Variants in GAS6 observed in about 807,000 individuals in gnomAD.
GAS6 encodes the protein growth arrest-specific protein 6.
A neutral mutation model predicts 75.8 loss-of-function variants in GAS6; 41 were observed. That is an observed-to-expected ratio of 0.54 (90% CI 0.42 to 0.70). The LOEUF (loss-of-function observed/expected upper bound fraction) is 0.70, where lower values mean the gene tolerates loss of function less well. Among genes scored for constraint, GAS6 ranks in the 30% least tolerant of loss-of-function variants. GAS6 has a pLI of 0.00. For missense variants in GAS6, 854 were observed against 940.2 expected (o/e 0.91, Z 1.20); for synonymous variants, 432 against 412.6 (o/e 1.05, Z -0.57).
chr13:113,825,387 A>T (rs1471430103), intron 12 of GAS6, among the ~76,000 whole-genome samples: 1 of 152,128 alleles, frequency 6.6e-6, no homozygotes, highest in Non-Finnish European at 1.5e-5. Flanking sequence ...ACAGACCCGG[A>T]GATCTGCAAG....
rs755012604 is a variant in GAS6 at position 113,848,115 on chromosome 13, T to C, written c.256-65A>G. 4.5e-6 allele frequency: 7 copies of C among 1,547,648 alleles called. No homozygotes were observed. Among genetic ancestry groups the C allele is most frequent in the Non-Finnish European group, 6.2e-6 (7 of 1,131,248 alleles). On this transcript the variant is annotated intron_variant, in intron 2 of 14. Coordinates refer to ENST00000327773, the MANE Select transcript of GAS6 (RefSeq NM_000820.4). The surrounding 1 kb of genome is among the most constrained non-coding windows in gnomAD (Gnocchi z 4.8). ...ACACTACGAGGGTCTCTGAACAACATAAGCATCAGCTGGTTAATCAGAGGC... is the reference window on the plus strand; with the variant it reads ...ACACTACGAGGGTCTCTGAACAACACAAGCATCAGCTGGTTAATCAGAGGC...
intron 5 of GAS6, 56 bp from the exon 6 acceptor site, chr13:113,838,247 G>T: frequency 1.3e-6 from 2 of 1,596,940 alleles, no homozygotes; most frequent in East Asian, 2.2e-5. Flanking sequence ...CCCTGGCTAC[G>T]GTAGGAAGAG....
Position 113,863,540 on chromosome 13 carries a change from G to C in GAS6, c.255+35C>G. On this transcript the variant is annotated intron_variant, in intron 2 of 14. Transcript: ENST00000327773. This position sits in a 1 kb window ranked among gnomAD's most constrained non-coding sequence, Gnocchi z 9.4. ...AGCGGTTGGAGGCGCGCGGGCGCCA[G>C]GGGTTCCCCCGCATCCCGCCCGCCG... The C allele has an allele frequency of 1.3e-6, 2 of 1,489,064 alleles. No individual in the cohort carries two copies. The highest frequency in any genetic ancestry group is 1.8e-6 in the Non-Finnish European group (2 of 1,125,392). The allele number at this position is 1,489,064 out of a possible 1,614,324, so 92.2% of individuals were successfully genotyped here.
rs377509718 is a variant in GAS6, at chr13:113,839,479, C to A, written c.466+249G>T. ...CGGTCAGAGGTGAAATTTCCCCCCC[C>A]GCCCTTCAATCAGTGGGTGCTGAGG... On this transcript the variant is annotated intron_variant, in intron 5 of 14. Transcript: ENST00000327773. The A allele has an allele frequency of 1.5e-5, 7 of 458,494 alleles. No homozygotes were observed. The South Asian group carries it at 2.3e-4, about 15-fold the overall frequency. 28.4% of individuals were successfully genotyped at this position (458,494 alleles called of 1,614,324 possible). A position where few individuals can be genotyped will look rare whatever the true frequency, so the allele number is the denominator to read the frequency against.
chr13:113,826,657 C>T lies in GAS6; in HGVS notation c.1477+339G>A, dbSNP rs71437252. ...CCTTCTCTCCCCGGCCTCCTGGCGC[C>T]GGCCTCGCAGGCACCTTCTCTCCCC... On this transcript the variant is annotated intron_variant, in intron 12 of 14. Transcript: ENST00000327773. Among the ~76,000 whole-genome samples the T allele has an allele frequency of 9.2e-3, 540 of 58,558 alleles. 133 individuals carry two copies. The highest frequency in any genetic ancestry group is 0.026 in the South Asian group (34 of 1,306). The allele number at this position is 58,558 out of a possible 152,430, so 38.4% of individuals were successfully genotyped here.
intron 2 of GAS6, among the ~76,000 whole-genome samples, chr13:113,857,082 A>T (rs61315527): frequency 0.095 from 14,537 of 152,250 alleles, 913 homozygotes; most frequent in East Asian, 0.17. Context: ...GTCACAAAAC[A>T]GGGTCTAGCA....
intron 5 of GAS6, 151 bp downstream of exon 5, chr13:113,839,577 G>C: frequency 1.0e-6 from 1 of 956,104 alleles, no homozygotes. Flanking sequence ...AATTCTCCTG[G>C]GGCTCCAGGA....
In GAS6 at chr13:113,832,464, C is replaced by G; in HGVS notation, c.978G>C (p.Arg326=). ...PTRLVAEFDF[R]TFDPEGILLF... ...GGAGGATGCCCTCGGGGTCAAAGGT[C>G]CGGAAGTCAAACTCAGCTACCAGCC... Residue 326 remains arginine, a synonymous_variant, in exon 10 of 15, where the codon CGG becomes CGC. Transcript: ENST00000327773. 1 of 1,603,302 alleles carries G rather than the reference C, an allele frequency of 6.2e-7. No homozygotes were observed. The highest frequency in any genetic ancestry group is 8.5e-7 in the Non-Finnish European group (1 of 1,173,038).
intron 3 of GAS6, among the ~76,000 whole-genome samples, 157 bp from the exon 4 acceptor site, chr13:113,846,746 A>G (rs1175441483): frequency 6.6e-6 from 1 of 152,254 alleles, no homozygotes. Context: ...GTTAATAAAA[A>G]ACATGTTAGC....
At chr13:113,827,535 C>G (rs948431283) in intron 11 of GAS6, among the ~76,000 whole-genome samples, 2 of 144,160 alleles carry the variant, frequency 1.4e-5, no homozygotes, top group Admixed American at 6.8e-5. Context: ...ATCTGTGAAA[C>G]GAGGAGGGTC....
intron 12 of GAS6, among the ~76,000 whole-genome samples, chr13:113,824,882 C>T (rs1177694455): frequency 6.6e-6 from 1 of 152,200 alleles, no homozygotes; most frequent in Non-Finnish European, 1.5e-5. Flanking sequence ...GTTTGCCGGT[C>T]TTCCCATAAC....
intron 13 of GAS6, 140 bp downstream of exon 13, chr13:113,823,235 G>T: frequency 1.1e-6 from 1 of 932,602 alleles, no homozygotes; most frequent in Non-Finnish European, 1.5e-6. Flanking sequence ...CGCCGGGCTT[G>T]GCTCATCAGA....
At chr13:113,823,283 A>C (rs1243393501) in intron 13 of GAS6, 92 bp downstream of exon 13, 9 of 1,368,328 alleles carry the variant, frequency 6.6e-6, no homozygotes, top group Non-Finnish European at 8.8e-6. Flanking sequence ...TGGGGATCCC[A>C]CCGCGGGCCC....
intron 13 of GAS6, 119 bp from the exon 14 acceptor site, chr13:113,822,305 G>A (rs1448967480): frequency 5.4e-6 from 4 of 746,676 alleles, no homozygotes; most frequent in Non-Finnish European, 8.2e-6. Flanking sequence ...TCCGTCCAGG[G>A]TTCCCTGCAG....
rs2051624801 is a variant in GAS6 at position 113,831,096 on chromosome 13, GCTGTGGGCGGGAGC to G, written c.1143+1189_1143+1202del. Among the ~76,000 whole-genome samples, 3 of 152,384 alleles carry G rather than the reference GCTGTGGGCGGGAGC, an allele frequency of 2.0e-5. No individual in the cohort carries two copies. The East Asian group carries it at 5.8e-4, about 29-fold the overall frequency. On this transcript the variant is annotated intron_variant, in intron 10 of 14. Coordinates refer to ENST00000327773, the MANE Select transcript of GAS6 (RefSeq NM_000820.4). ...CCCAGTATGGTGAGGGAGGCCCAGCGCTGTGGGCGGGAGCCTGGTTGCTTACAGGCCCTCTCGCT... is the reference window on the plus strand; with the variant it reads ...CCCAGTATGGTGAGGGAGGCCCAGCGCTGGTTGCTTACAGGCCCTCTCGCT...
At chr13:113,832,977 G>T (rs754905282) in intron 8 of GAS6, 35 of 1,433,854 alleles carry the variant, frequency 2.4e-5, no homozygotes, top group Non-Finnish European at 3.0e-5. Context: ...CTTCTCGGGG[G>T]TCCCCGTCAT....
chr13:113,823,111 C>G, intron 13 of GAS6: 1 of 400,578 alleles, frequency 2.5e-6, no homozygotes, highest in East Asian at 3.8e-5. Flanking sequence ...CCCAACCGAA[C>G]AGGGGAAAAG....
chr13:113,854,303 C>T (rs1391225828), intron 2 of GAS6, among the ~76,000 whole-genome samples: 4 of 152,240 alleles, frequency 2.6e-5, no homozygotes, highest in Non-Finnish European at 5.9e-5. Flanking sequence ...AAGCTCTTCT[C>T]ACAGAAGCCC....
At chr13:113,823,055 A>G in intron 13 of GAS6, 1 of 266,706 alleles carries the variant, frequency 3.7e-6, no homozygotes, top group Non-Finnish European at 7.1e-6. Flanking sequence ...AAATCATCTG[A>G]CTTAAACACC....
Sources: allele counts gnomAD v4.1 joint callset (sites outside exome capture counted in the v4.1 genomes callset), GRCh38; gene constraint gnomAD v4.1.1; non-coding constraint Gnocchi (gnomAD v3.1); transcripts MANE v1.5; gene names NCBI Gene and HGNC (gene_info 2026-07-23, HGNC 2026-07-21).